The following CTNNB1 variants were observed in gnomAD, a reference collection of about 807,000 sequenced individuals.
CTNNB1 encodes the protein catenin beta-1.
Under a neutral mutation model 82.5 loss-of-function variants are expected in CTNNB1, and 6 were observed. That is an observed-to-expected ratio of 0.07 (90% CI 0.04 to 0.14). The LOEUF (loss-of-function observed/expected upper bound fraction) is 0.14, where lower values mean the gene tolerates loss of function less well. CTNNB1 is among the 10% of genes least tolerant of loss of function. The pLI, the probability that CTNNB1 is intolerant of heterozygous loss-of-function variation, is 1.00. For missense variants in CTNNB1, 529 were observed against 980.4 expected (o/e 0.54, Z 6.15); for synonymous variants, 312 against 329.7 (o/e 0.95, Z 0.58).
At chr3:41,237,526 T>C (rs547805533) in intron 13 of CTNNB1, 1 of 152,582 alleles carries the variant, frequency 6.6e-6, no homozygotes, top group South Asian at 2.1e-4. Context: ...TATTAACATG[T>C]TCCAACTTGA....
Position 41,234,265 on chromosome 3 carries a change from A to G in CTNNB1, c.1651A>G (p.Thr551Ala), listed in dbSNP as rs1187571366. Reference sequence around the variant, plus strand: ...TGCACATCAGGATACCCAGCGCCGTACGTCCATGGGTGGGACACAGCAGCA... The same window carrying G: ...TGCACATCAGGATACCCAGCGCCGTGCGTCCATGGGTGGGACACAGCAGCA... ...VRAHQDTQRR[T>A]SMGGTQQQFV... Residue 551 changes from threonine to alanine, a missense_variant, in exon 10 of 15, where the codon ACG (threonine) becomes GCG (alanine). Coordinates refer to ENST00000349496, the MANE Select transcript of CTNNB1 (RefSeq NM_001904.4). 3 of 1,614,114 alleles carry G rather than the reference A, an allele frequency of 1.9e-6. No homozygotes were observed. The highest frequency in any genetic ancestry group is 2.5e-6 in the Non-Finnish European group (3 of 1,180,048).
At chr3:41,234,373 T>G in intron 10 of CTNNB1, 76 bp downstream of exon 10, 1 of 1,433,894 alleles carries the variant, frequency 7.0e-7, no homozygotes, top group Non-Finnish European at 9.8e-7. Flanking sequence ...ACTTCTTTCT[T>G]TGGTCATTGG....
At chr3:41,200,788 A>G (rs1320663559) in intron 1 of CTNNB1, among the ~76,000 whole-genome samples, 1 of 152,152 alleles carries the variant, frequency 6.6e-6, no homozygotes, top group Non-Finnish European at 1.5e-5. Flanking sequence ...AAGCTTTGGC[A>G]GTTGGGTGTA....
chr3:41,224,672 G>A lies in CTNNB1; in HGVS notation c.160G>A (p.Glu54Lys), dbSNP rs2078133150. 1 of 1,613,878 alleles carries A rather than the reference G, an allele frequency of 6.2e-7. No individual in the cohort carries two copies. Among genetic ancestry groups the A allele is most frequent in the Admixed American group, 1.7e-5 (1 of 59,932 alleles). Residue 54 changes from glutamate to lysine, a missense_variant, in exon 3 of 15, where the codon GAA becomes AAA. Around this residue, in one of 4 missense-constraint regions of CTNNB1, gnomAD observed 411 missense variants for 776.4 expected, o/e 0.53. Transcript: ENST00000349496. ...TCTGAGTGGTAAAGGCAATCCTGAG[G>A]AAGAGGATGTGGATACCTCCCAAGT... ...PSLSGKGNPE[E>K]EDVDTSQVLY...
intron 1 of CTNNB1, among the ~76,000 whole-genome samples, chr3:41,209,409 G>A (rs755866493): frequency 1.3e-5 from 2 of 152,222 alleles, no homozygotes; most frequent in East Asian, 1.9e-4. Flanking sequence ...AGTCTTTTCC[G>A]AAATGCAATT....
At position 41,233,414 on chromosome 3, in the gene CTNNB1, C is replaced by T. The variant is rs74692094; in HGVS notation, c.1155C>T (p.Leu385=). 1 of 1,614,058 alleles carries T rather than the reference C, an allele frequency of 6.2e-7. No individual in the cohort carries two copies. Among genetic ancestry groups the T allele is most frequent in the African/African-American group, 1.3e-5 (1 of 74,906 alleles). ...TTGTTCAGAACTGTCTTTGGACTCT[C>T]AGGAATCTTTCAGATGCTGCAACTA... ...QRLVQNCLWT[L]RNLSDAATKQ... is the part of the protein sequence containing the mutation. The change falls in exon 8 of 15, where the codon CTC becomes CTT. Residue 385 remains leucine (L), a synonymous_variant. Transcript: ENST00000349496.
chr3:41,199,922 G>C (rs1168988042), intron 1 of CTNNB1: 1 of 143,354 alleles, frequency 7.0e-6, no homozygotes, highest in African/African-American at 2.5e-5. Flanking sequence ...GGGAGGGGGC[G>C]CCGCGGGGGC....
Position 41,239,496 on chromosome 3 carries a change from A to C in CTNNB1, c.*154A>C. The stretch of plus-strand genomic sequence containing the variant: ...AAACAGGTATATACTTTGAAAGGAG[A>C]TGTCTTGGAACATTGGAATGTTCTC... On this transcript the variant is annotated 3_prime_UTR_variant, in exon 15 of 15. Transcript: ENST00000349496. 1.5e-6 allele frequency: 1 copy of C among 681,526 alleles called. No homozygotes were observed. The highest frequency in any genetic ancestry group is 2.7e-5 in the East Asian group (1 of 36,936). 42.2% of individuals were successfully genotyped at this position (681,526 alleles called of 1,614,324 possible).
intron 7 of CTNNB1, among the ~76,000 whole-genome samples, chr3:41,229,640 T>A (rs2078257885): frequency 6.6e-6 from 1 of 152,160 alleles, no homozygotes; most frequent in East Asian, 1.9e-4. Context: ...TAGAATCATA[T>A]TGTTTGCAAA....
rs2125646757 is a variant in CTNNB1 at position 41,236,573 on chromosome 3, C to A, written c.1955-15C>A. ...TCAGTTTTTCCTCAAGGGCCTTTTT[C>A]TCCTTGTCTCTTAGCGACATATGCA... On this transcript the variant is annotated splice_polypyrimidine_tract_variant and intron_variant, in intron 12 of 14. Coordinates refer to ENST00000349496, the MANE Select transcript of CTNNB1 (RefSeq NM_001904.4). The A allele has an allele frequency of 1.2e-6, 2 of 1,614,144 alleles. No individual in the cohort carries two copies. Among genetic ancestry groups the A allele is most frequent in the Non-Finnish European group, 1.7e-6 (2 of 1,180,014 alleles).
chr3:41,239,606 T>TGAGTAAC lies in CTNNB1; in HGVS notation c.*265_*271dup. The TGAGTAAC allele has an allele frequency of 1.9e-6, 1 of 523,724 alleles. No homozygotes were observed. The highest frequency in any genetic ancestry group is 3.5e-6 in the Non-Finnish European group (1 of 288,800). 32.4% of individuals were successfully genotyped at this position (523,724 alleles called of 1,614,324 possible). ...CAGCTTTTGCAACTTAATACTCAAA[T>TGAGTAAC]GAGTAACATTTGCTGTTTTAAACAT... On this transcript the variant is annotated 3_prime_UTR_variant, in exon 15 of 15. Transcript: ENST00000349496.
intron 1 of CTNNB1, among the ~76,000 whole-genome samples, chr3:41,212,668 C>T (rs966821262): frequency 8.5e-5 from 13 of 152,182 alleles, no homozygotes; most frequent in African/African-American, 3.1e-4. Flanking sequence ...GCCTATTAAA[C>T]ATTTGAAATG....
At chr3:41,199,941 G>C (rs2077484325) in intron 1 of CTNNB1, 1 of 137,926 alleles carries the variant, frequency 7.3e-6, no homozygotes, top group Admixed American at 7.1e-5. Context: ...GCGCGTACAG[G>C]AGCCCGGATG....
rs2125646827 is a variant in CTNNB1 at position 41,236,585 on chromosome 3, T to C, written c.1955-3T>C. On this transcript the variant is annotated splice_region_variant and splice_polypyrimidine_tract_variant and intron_variant, in intron 12 of 14. Transcript: ENST00000349496. ...CAAGGGCCTTTTTCTCCTTGTCTCTTAGCGACATATGCAGCTGCTGTTTTG... is the reference window on the plus strand; with the variant it reads ...CAAGGGCCTTTTTCTCCTTGTCTCTCAGCGACATATGCAGCTGCTGTTTTG... The C allele has an allele frequency of 6.2e-7, 1 of 1,614,206 alleles. No individual in the cohort carries two copies. The highest frequency in any genetic ancestry group is 8.5e-7 in the Non-Finnish European group (1 of 1,180,030).
At chr3:41,230,014 A>G (rs2078270895) in intron 7 of CTNNB1, among the ~76,000 whole-genome samples, 1 of 152,222 alleles carries the variant, frequency 6.6e-6, no homozygotes, top group African/African-American at 2.4e-5. Context: ...CAGTATTGAA[A>G]GAAGGAAAAA....
intron 6 of CTNNB1, among the ~76,000 whole-genome samples, chr3:41,226,862 A>G (rs916919292): frequency 6.6e-6 from 1 of 152,176 alleles, no homozygotes; most frequent in African/African-American, 2.4e-5. Flanking sequence ...TTTTCAGTGA[A>G]TCAGTTTTGA....
chr3:41,234,271 A>G lies in CTNNB1; in HGVS notation c.1657A>G (p.Met553Val), dbSNP rs199593411. The change falls in exon 10 of 15, where the codon ATG becomes GTG. Residue 553 changes from methionine (M) to valine (V), a missense_variant. Transcript: ENST00000349496. ...TCAGGATACCCAGCGCCGTACGTCC[A>G]TGGGTGGGACACAGCAGCAATTTGT... ...AHQDTQRRTS[M>V]GGTQQQFVEG... 1.2e-5 allele frequency: 19 copies of G among 1,614,064 alleles called. No homozygotes were observed. The highest frequency in any genetic ancestry group is 1.6e-4 in the Middle Eastern group (1 of 6,084).
chr3:41,236,822 G>A (rs2078448703), intron 13 of CTNNB1, 113 bp downstream of exon 13: 2 of 1,419,846 alleles, frequency 1.4e-6, no homozygotes, highest in African/African-American at 2.8e-5. Flanking sequence ...TGTTTCCCTG[G>A]CTTGAGTATT....
chr3:41,223,287 C>T (rs1408523050), intron 1 of CTNNB1, among the ~76,000 whole-genome samples: 1 of 151,026 alleles, frequency 6.6e-6, no homozygotes, highest in Non-Finnish European at 1.5e-5. Context: ...CAATATTGCA[C>T]AATAAAGGCA....
Sources: allele counts gnomAD v4.1 joint callset (sites outside exome capture counted in the v4.1 genomes callset), GRCh38; gene constraint gnomAD v4.1.1; regional missense constraint gnomAD v4.1.1; transcripts MANE v1.5; gene names NCBI Gene and HGNC (gene_info 2026-07-23, HGNC 2026-07-21).